Variants in ULK4 observed in about 807,000 individuals in gnomAD.
ULK4 encodes unc-51 like kinase 4.
ULK4 carries 133 observed loss-of-function variants against 160.6 expected under a neutral mutation model. The ratio of observed to expected loss-of-function variants is 0.83; its 90% confidence interval spans 0.72 to 0.96. The LOEUF is 0.96. ULK4 is among the 40% of genes least tolerant of loss of function. The pLI is 0.00. For synonymous variants in ULK4, 534 were observed against 539.8 expected, an observed-to-expected ratio of 0.99 and a Z score of 0.15; for missense variants, 1,580 against 1,499.5, an observed-to-expected ratio of 1.05 and a Z score of -0.89.
intron 32 of ULK4, among the ~76,000 whole-genome samples, chr3:41,528,342 AAATCT>A (rs1361721342): frequency 6.6e-6 from 1 of 152,224 alleles, no homozygotes; most frequent in Non-Finnish European, 1.5e-5. Context: ...GTTAGAACCT[AAATCT>A]AATTATATAC....
At chr3:41,684,339 T>G (rs541025569) in intron 27 of ULK4, among the ~76,000 whole-genome samples, 1 of 152,354 alleles carries the variant, frequency 6.6e-6, no homozygotes, top group Non-Finnish European at 1.5e-5. Flanking sequence ...CTATGACCCC[T>G]ATAAGCCTGC....
At chr3:41,461,069 C>A (rs1006752298) in intron 33 of ULK4, among the ~76,000 whole-genome samples, 3 of 152,088 alleles carry the variant, frequency 2.0e-5, no homozygotes, top group African/African-American at 7.2e-5. Context: ...TGAACAGGGA[C>A]CAGTTTTAAA....
At chr3:41,327,152 G>A (rs1559526396) in intron 35 of ULK4, among the ~76,000 whole-genome samples, 1 of 152,040 alleles carries the variant, frequency 6.6e-6, no homozygotes, top group African/African-American at 2.4e-5. Context: ...AAGAGGGTTG[G>A]AAATAAATCC....
chr3:41,345,485 G>A (rs894956362), intron 35 of ULK4, among the ~76,000 whole-genome samples: 1 of 152,186 alleles, frequency 6.6e-6, no homozygotes, highest in Non-Finnish European at 1.5e-5. Flanking sequence ...GGACATGGAT[G>A]GAGTTGCAAG....
At chr3:41,702,288 G>T (rs1165904848) in intron 27 of ULK4, among the ~76,000 whole-genome samples, 2 of 152,076 alleles carry the variant, frequency 1.3e-5, no homozygotes, top group African/African-American at 4.8e-5. Context: ...GGGATTACAG[G>T]CAAGTGCCAC....
chr3:41,260,414 T>C (rs535269795), intron 35 of ULK4, among the ~76,000 whole-genome samples: 1 of 152,350 alleles, frequency 6.6e-6, no homozygotes, highest in African/African-American at 2.4e-5. Context: ...TCCAGGCCCA[T>C]ATGCTCATCA....
In ULK4 at chr3:41,897,688, C is replaced by T. The variant is rs542060041; in HGVS notation, c.1349-685G>A. 2.0e-5 allele frequency among the ~76,000 whole-genome samples: 3 copies of T among 152,254 alleles called. No individual in the cohort carries two copies. In the South Asian group the frequency reaches 6.2e-4, roughly 32 times the overall value. The stretch of plus-strand genomic sequence containing the variant: ...AAGCACTATTAATAATACTTTGCTT[C>T]ACTTGGCCTTTCAAAAACGTCCTTC... On this transcript the variant is annotated intron_variant, in intron 14 of 36. Coordinates refer to ENST00000301831, the MANE Select transcript of ULK4 (RefSeq NM_017886.4).
At chr3:41,637,457 G>A (rs2034005525) in intron 30 of ULK4, among the ~76,000 whole-genome samples, 1 of 152,150 alleles carries the variant, frequency 6.6e-6, no homozygotes, top group Non-Finnish European at 1.5e-5. Flanking sequence ...ATGGACATAG[G>A]TTGATTCCAT....
chr3:41,596,002 C>A lies in ULK4; in HGVS notation c.3120+19667G>T, dbSNP rs538309676. Among the ~76,000 whole-genome samples the A allele has an allele frequency of 3.3e-5, 5 of 152,184 alleles. No individual in the cohort carries two copies. The East Asian group carries it at 9.7e-4, about 29-fold the overall frequency. The stretch of plus-strand genomic sequence containing the variant: ...AGAGAGTCAGAGAAATTAACAACAG[C>A]AGAAGACCTTACAAAGGCAAGAACA... On this transcript the variant is annotated intron_variant, in intron 31 of 36. Coordinates refer to ENST00000301831, the MANE Select transcript of ULK4 (RefSeq NM_017886.4).
rs181529677 is a variant in ULK4, at chr3:41,317,860, C to T, written c.3679-68286G>A. On this transcript the variant is annotated intron_variant, in intron 35 of 36. Transcript: ENST00000301831. The stretch of plus-strand genomic sequence containing the variant: ...CAGAATACCTTCCAGTGATTACAGA[C>T]AAGAAAGATTTACTTTCTAGGCCTG... Among the ~76,000 whole-genome samples the T allele has an allele frequency of 5.3e-4, 80 of 152,324 alleles. 1 individual carries two copies. Among genetic ancestry groups the T allele is most frequent in the Admixed American group, 1.8e-3 (28 of 15,292 alleles).
intron 31 of ULK4, among the ~76,000 whole-genome samples, chr3:41,575,048 C>T (rs1465419380): frequency 1.3e-5 from 2 of 152,184 alleles, no homozygotes; most frequent in Non-Finnish European, 2.9e-5. Flanking sequence ...ACAGCAGATG[C>T]AGGGGTGTTG....
chr3:41,254,959 A>T (rs2078806026), intron 35 of ULK4, among the ~76,000 whole-genome samples: 2 of 152,082 alleles, frequency 1.3e-5, no homozygotes, highest in Admixed American at 1.3e-4. Context: ...GAAGAAAACA[A>T]GAGCAAACAT....
At chr3:41,671,476 A>AAC (rs1192148861) in intron 29 of ULK4, among the ~76,000 whole-genome samples, 1 of 152,162 alleles carries the variant, frequency 6.6e-6, no homozygotes, top group African/African-American at 2.4e-5. Context: ...AGCCATCAAC[A>AAC]ACACACACAG....
intron 29 of ULK4, among the ~76,000 whole-genome samples, chr3:41,667,391 T>C (rs964923698): frequency 6.6e-6 from 1 of 152,224 alleles, no homozygotes. Context: ...AGATATTGAA[T>C]ATATTTTAGT....
chr3:41,797,888 GAAAAGAAAAC>G (rs535775774), intron 20 of ULK4, among the ~76,000 whole-genome samples: 338 of 145,668 alleles, frequency 2.3e-3, no homozygotes, highest in African/African-American at 7.4e-3. Flanking sequence ...TGAAAGGAAA[GAAAAGAAAAC>G]AAAAGAAAAC....
chr3:41,319,123 G>T (rs1190110588), intron 35 of ULK4, among the ~76,000 whole-genome samples: 1 of 152,134 alleles, frequency 6.6e-6, no homozygotes, highest in Non-Finnish European at 1.5e-5. Context: ...TAATATTAAA[G>T]GTAGTGCAAC....
intron 35 of ULK4, among the ~76,000 whole-genome samples, chr3:41,258,944 T>C (rs1300484244): frequency 6.7e-6 from 1 of 149,870 alleles, no homozygotes; most frequent in Non-Finnish European, 1.5e-5. Context: ...CCTCTACATC[T>C]GTTGAATATA....
At chr3:41,755,002 T>C (rs2038751924) in intron 21 of ULK4, among the ~76,000 whole-genome samples, 1 of 152,208 alleles carries the variant, frequency 6.6e-6, no homozygotes. Context: ...TATAACACTC[T>C]TTAATTAAAG....
chr3:41,872,988 A>C (rs1575863021), intron 17 of ULK4, among the ~76,000 whole-genome samples: 1 of 152,110 alleles, frequency 6.6e-6, no homozygotes, highest in Non-Finnish European at 1.5e-5. Context: ...CCCCATCTCT[A>C]CTAAAAATAC....
Sources: allele counts gnomAD v4.1 joint callset (sites outside exome capture counted in the v4.1 genomes callset), GRCh38; gene constraint gnomAD v4.1.1; transcripts MANE v1.5; gene names NCBI Gene and HGNC (gene_info 2026-07-23, HGNC 2026-07-21).